ASXL2: variants seen among roughly 807,000 people sequenced by gnomAD.
The protein encoded by ASXL2 is putative Polycomb group protein ASXL2.
In ASXL2, 23 loss-of-function variants were observed where a neutral mutation model predicts 122.0. The ratio of observed to expected loss-of-function variants is 0.19; its 90% CI spans 0.14 to 0.27. ASXL2 has a LOEUF of 0.27. ASXL2 is among the 10% of genes least tolerant of loss of function. ASXL2 has a pLI of 1.00. For synonymous variants in ASXL2, 650 were observed against 637.0 expected (o/e 1.02, Z -0.31); for missense variants, 1,518 against 1,713.8 (o/e 0.89, Z 2.02).
chr2:25,758,864 T>C (rs912518491), intron 9 of ASXL2, among the ~76,000 whole-genome samples: 4 of 152,184 alleles, frequency 2.6e-5, no homozygotes, highest in Non-Finnish European at 5.9e-5. Context: ...ACCCATGTTT[T>C]TGGCTTATTC....
At chr2:25,866,087 A>G (rs2089900474) in intron 1 of ASXL2, among the ~76,000 whole-genome samples, 1 of 151,762 alleles carries the variant, frequency 6.6e-6, no homozygotes, top group African/African-American at 2.4e-5. Flanking sequence ...AAAAATATAC[A>G]ATTTTTAAGA....
chr2:25,761,160 G>A (rs1003396830), intron 8 of ASXL2, among the ~76,000 whole-genome samples: 5 of 152,180 alleles, frequency 3.3e-5, no homozygotes, highest in African/African-American at 1.2e-4. Flanking sequence ...GCTCAAGAAT[G>A]AGAAAATGAT....
intron 5 of ASXL2, among the ~76,000 whole-genome samples, chr2:25,785,276 A>T (rs990330832): frequency 6.6e-6 from 1 of 152,004 alleles, no homozygotes; most frequent in Non-Finnish European, 1.5e-5. Flanking sequence ...CCCTGGCTGG[A>T]GGACAGTGGC....
intron 5 of ASXL2, among the ~76,000 whole-genome samples, chr2:25,785,010 C>G (rs970441677): frequency 3.3e-5 from 5 of 152,106 alleles, no homozygotes; most frequent in Non-Finnish European, 7.4e-5. Flanking sequence ...TATAGTGCTG[C>G]CCAGGCTAAT....
chr2:25,779,719 G>A (rs1277806408), intron 5 of ASXL2, among the ~76,000 whole-genome samples: 1 of 152,018 alleles, frequency 6.6e-6, no homozygotes, highest in African/African-American at 2.4e-5. Flanking sequence ...ATTATGTAAC[G>A]TTACAAAACA....
intron 5 of ASXL2, among the ~76,000 whole-genome samples, chr2:25,772,855 G>T (rs1167406431): frequency 2.7e-5 from 4 of 150,774 alleles, no homozygotes; most frequent in Non-Finnish European, 4.4e-5. Flanking sequence ...AATTTACTTA[G>T]ATGTCCTAAG....
At chr2:25,774,300 A>G (rs1320857823) in intron 5 of ASXL2, among the ~76,000 whole-genome samples, 2 of 152,168 alleles carry the variant, frequency 1.3e-5, no homozygotes, top group Non-Finnish European at 2.9e-5. Context: ...ATGTACACAG[A>G]TCACAAGTGG....
chr2:25,807,728 G>A (rs983440351), intron 3 of ASXL2, among the ~76,000 whole-genome samples: 2 of 152,124 alleles, frequency 1.3e-5, no homozygotes, highest in African/African-American at 4.8e-5. Context: ...CTCATAGACT[G>A]TTGGTGGAAG....
At chr2:25,805,104 T>C (rs1293124889) in intron 4 of ASXL2, among the ~76,000 whole-genome samples, 4 of 152,140 alleles carry the variant, frequency 2.6e-5, no homozygotes, top group Non-Finnish European at 4.4e-5. Flanking sequence ...AGAAAGAATA[T>C]GGGCTTGGGA....
intron 9 of ASXL2, 108 bp from the exon 10 acceptor site, chr2:25,756,222 AT>A: frequency 2.0e-6 from 1 of 494,422 alleles, no homozygotes; most frequent in Non-Finnish European, 3.3e-6. Context: ...ATTTATTTTA[AT>A]AGAAATATAA....
intron 6 of ASXL2, among the ~76,000 whole-genome samples, chr2:25,770,052 G>C (rs1052244816): frequency 2.0e-5 from 3 of 152,200 alleles, no homozygotes; most frequent in Non-Finnish European, 4.4e-5. Context: ...TTTGCAATTA[G>C]ATCAGAAGAT....
rs2149132602 is a variant in ASXL2, at chr2:25,736,429, A to G, written c.*5600T>C. The G allele has an allele frequency of 1.3e-5, 2 of 149,174 alleles. No individual in the cohort carries two copies. Among genetic ancestry groups the G allele is most frequent in the South Asian group, 4.3e-4 (2 of 4,688 alleles). 9.2% of individuals were successfully genotyped at this position (149,174 alleles called of 1,614,324 possible). ...TATGGATTAGTTTATACACATTTAAATATTTTACCTTCATTCTTATTATAT... is the reference window on the plus strand; with the variant it reads ...TATGGATTAGTTTATACACATTTAAGTATTTTACCTTCATTCTTATTATAT... On this transcript the variant is annotated 3_prime_UTR_variant, in exon 13 of 13. Transcript: ENST00000435504.
At chr2:25,803,784 C>G (rs1419639149) in intron 4 of ASXL2, among the ~76,000 whole-genome samples, 1 of 152,204 alleles carries the variant, frequency 6.6e-6, no homozygotes, top group Non-Finnish European at 1.5e-5. Flanking sequence ...AGAACTCAGG[C>G]AGTCATGCTT....
chr2:25,821,348 C>A (rs2089308170), intron 3 of ASXL2, among the ~76,000 whole-genome samples: 1 of 148,228 alleles, frequency 6.7e-6, no homozygotes, highest in Non-Finnish European at 1.5e-5. Context: ...CAGAGCAAGA[C>A]CCTGTCAGGA....
intron 1 of ASXL2, among the ~76,000 whole-genome samples, chr2:25,859,924 C>T (rs1226968103): frequency 6.6e-6 from 1 of 152,174 alleles, no homozygotes; most frequent in African/African-American, 2.4e-5. Flanking sequence ...AGCGGCTCAC[C>T]TCTAATCCCA....
rs144325299 is a variant in ASXL2 at position 25,828,153 on chromosome 2, C to T, written c.143+7385G>A. On this transcript the variant is annotated intron_variant, in intron 3 of 12. Coordinates refer to ENST00000435504, the MANE Select transcript of ASXL2 (RefSeq NM_018263.6). ...ATTACAAACTCTTGGTATAGAAGGG[C>T]CTTAGAGAACAATCTAACTTTTCAC... is the stretch of plus-strand genomic sequence containing the variant. 3.3e-5 allele frequency among the ~76,000 whole-genome samples: 5 copies of T among 152,132 alleles called. No individual in the cohort carries two copies. The East Asian group carries it at 9.6e-4, about 29-fold the overall frequency.
chr2:25,804,403 G>C (rs1318708047), intron 4 of ASXL2, among the ~76,000 whole-genome samples: 1 of 152,208 alleles, frequency 6.6e-6, no homozygotes, highest in Admixed American at 6.5e-5. Flanking sequence ...GATAATTCAG[G>C]TATACTCATG....
intron 5 of ASXL2, among the ~76,000 whole-genome samples, chr2:25,783,383 T>C (rs1040092641): frequency 2.0e-5 from 3 of 151,712 alleles, no homozygotes; most frequent in Non-Finnish European, 2.9e-5. Flanking sequence ...CCTGAATTTA[T>C]ATACTCATGG....
chr2:25,875,949 G>A (rs770579405), intron 1 of ASXL2, among the ~76,000 whole-genome samples: 3 of 151,296 alleles, frequency 2.0e-5, no homozygotes, highest in Non-Finnish European at 3.0e-5. Context: ...ACCTTTGCCC[G>A]GTCCTTCTTT....
Sources: allele counts gnomAD v4.1 joint callset (sites outside exome capture counted in the v4.1 genomes callset), GRCh38; gene constraint gnomAD v4.1.1; transcripts MANE v1.5; gene names NCBI Gene and HGNC (gene_info 2026-07-23, HGNC 2026-07-21).